The following UIMC1 variants were observed in gnomAD, a reference collection of about 807,000 sequenced individuals.
UIMC1 encodes ubiquitin interaction motif containing 1.
A neutral mutation model predicts 84.9 loss-of-function variants in UIMC1; 42 were observed. The ratio of observed to expected loss-of-function variants is 0.49; its 90% CI spans 0.39 to 0.64. The LOEUF (loss-of-function observed/expected upper bound fraction) is 0.64, where lower values mean the gene tolerates loss of function less well. Among genes scored for constraint, UIMC1 ranks in the 30% least tolerant of loss-of-function variants. UIMC1 has a pLI of 0.00. For synonymous variants in UIMC1, 281 were observed against 293.0 expected, an observed-to-expected ratio of 0.96 and a Z score of 0.42; for missense variants, 825 against 847.6, an observed-to-expected ratio of 0.97 and a Z score of 0.33.
At chr5:177,005,570 G>A (rs1180897008) in intron 1 of UIMC1, among the ~76,000 whole-genome samples, 1 of 151,400 alleles carries the variant, frequency 6.6e-6, no homozygotes, top group African/African-American at 2.4e-5. Context: ...ACAACTCTGC[G>A]TCGTAGGTAT....
At chr5:176,906,126 G>A (rs1759334926) in intron 13 of UIMC1, 79 bp from the exon 14 acceptor site, 2 of 1,381,990 alleles carry the variant, frequency 1.4e-6, no homozygotes, top group South Asian at 1.2e-5. Flanking sequence ...TTTTGCTTCC[G>A]TGCTCTAGGC....
At chr5:176,974,037 C>T (rs1390321933) in intron 3 of UIMC1, among the ~76,000 whole-genome samples, 4 of 151,930 alleles carry the variant, frequency 2.6e-5, no homozygotes, top group East Asian at 3.8e-4. Context: ...CCAGCCTGGG[C>T]GACAGAGTAG....
At chr5:176,937,308 A>T (rs1763827719) in intron 10 of UIMC1, among the ~76,000 whole-genome samples, 1 of 152,158 alleles carries the variant, frequency 6.6e-6, no homozygotes, top group African/African-American at 2.4e-5. Context: ...ATCCTGGCTA[A>T]CATGGTGAAA....
chr5:177,012,691 TA>T (rs1561941814), intron 1 of UIMC1, among the ~76,000 whole-genome samples: 1 of 150,932 alleles, frequency 6.6e-6, no homozygotes, highest in Non-Finnish European at 1.5e-5. Context: ...AGACCCTGTC[TA>T]AAAAAAAGAA....
intron 10 of UIMC1, among the ~76,000 whole-genome samples, chr5:176,939,727 C>A (rs1315498861): frequency 6.6e-6 from 1 of 152,194 alleles, no homozygotes; most frequent in African/African-American, 2.4e-5. Context: ...ATCCCCATCA[C>A]TGAGCAACAC....
intron 10 of UIMC1, among the ~76,000 whole-genome samples, chr5:176,934,100 C>T (rs1763438691): frequency 6.6e-6 from 1 of 152,108 alleles, no homozygotes. Context: ...TATTATATCC[C>T]TTACCATCTT....
At chr5:176,980,305 TGTCC>T (rs1356770983) in intron 2 of UIMC1, 1 of 151,450 alleles carries the variant, frequency 6.6e-6, no homozygotes, top group Non-Finnish European at 1.5e-5. Context: ...TCCGTCCTTC[TGTCC>T]GTCCATCCGT....
intron 10 of UIMC1, among the ~76,000 whole-genome samples, chr5:176,918,509 C>T (rs905212061): frequency 2.6e-5 from 4 of 152,192 alleles, no homozygotes; most frequent in Admixed American, 2.0e-4. Context: ...GAGAAGTAAG[C>T]AAACAATGAA....
At chr5:176,917,948 A>G (rs1021532866) in intron 10 of UIMC1, among the ~76,000 whole-genome samples, 1 of 152,222 alleles carries the variant, frequency 6.6e-6, no homozygotes, top group South Asian at 2.1e-4. Context: ...AACAACAGCA[A>G]AACTCTGTCT....
chr5:176,933,469 T>C (rs1338708377), intron 10 of UIMC1, among the ~76,000 whole-genome samples: 2 of 152,160 alleles, frequency 1.3e-5, no homozygotes, highest in Non-Finnish European at 2.9e-5. Flanking sequence ...AATCTAGTAA[T>C]TACACTTTTA....
At chr5:176,912,305 C>G (rs774158491) in intron 10 of UIMC1, among the ~76,000 whole-genome samples, 2 of 152,176 alleles carry the variant, frequency 1.3e-5, no homozygotes, top group African/African-American at 2.4e-5. Flanking sequence ...TATACATAAA[C>G]AAATGAGTAT....
intron 1 of UIMC1, among the ~76,000 whole-genome samples, chr5:176,984,087 A>G (rs1392660238): frequency 1.1e-5 from 1 of 90,296 alleles, no homozygotes; most frequent in African/African-American, 4.5e-5. Flanking sequence ...CCGTCTGGGA[A>G]GTGAGGAGTG....
At chr5:176,921,874 T>C (rs550450656) in intron 10 of UIMC1, among the ~76,000 whole-genome samples, 2 of 152,296 alleles carry the variant, frequency 1.3e-5, no homozygotes, top group East Asian at 3.9e-4. Flanking sequence ...TTCATCATAT[T>C]TGGAATGAAG....
rs1764705514 is a variant in UIMC1 at position 176,943,482 on chromosome 5, T to C, written c.1450A>G (p.Asn484Asp). 1.9e-6 allele frequency: 3 copies of C among 1,613,804 alleles called. No individual in the cohort carries two copies. Among genetic ancestry groups the C allele is most frequent in the Non-Finnish European group, 2.5e-6 (3 of 1,179,890 alleles). Reference protein sequence around the residue: ...RIIMADKEVGNKEDAEKEVAI... With the variant: ...RIIMADKEVGDKEDAEKEVAI... The stretch of plus-strand genomic sequence containing the variant: ...ACTTCCTTCTCAGCATCTTCCTTGT[T>C]ACCAACCTGAAGAACATGACAAACA... The change falls in exon 10 of 15, where the codon AAC becomes GAC. Residue 484 changes from asparagine (N) to aspartate (D), a missense_variant. Coordinates refer to ENST00000511320, the MANE Select transcript of UIMC1 (RefSeq NM_001199298.2).
chr5:177,009,015 G>GTT (rs543438267), upstream of UIMC1, among the ~76,000 whole-genome samples: 1 of 144,188 alleles, frequency 6.9e-6, no homozygotes. This position sits in a 1 kb window ranked among gnomAD's most constrained non-coding sequence, Gnocchi z 4.3. Flanking sequence ...GTTTTTTGGT[G>GTT]TTTTTTTTTT....
chr5:176,992,540 T>C (rs1346352412), intron 1 of UIMC1, among the ~76,000 whole-genome samples: 1 of 151,940 alleles, frequency 6.6e-6, no homozygotes, highest in East Asian at 1.9e-4. Context: ...TAAATTTGAC[T>C]TTATTGAAAT....
At chr5:176,945,799 G>A (rs530262154) in intron 9 of UIMC1, among the ~76,000 whole-genome samples, 5 of 152,280 alleles carry the variant, frequency 3.3e-5, no homozygotes, top group African/African-American at 1.2e-4. Flanking sequence ...TTCACGTCCT[G>A]TTTCCATGGA....
rs1765875384 is a variant in UIMC1, at chr5:176,951,514, T to A, written c.1403A>T (p.Asp468Val). The A allele has an allele frequency of 6.3e-7, 1 of 1,584,238 alleles. No individual in the cohort carries two copies. The highest frequency in any genetic ancestry group is 1.7e-4 in the Middle Eastern group (1 of 6,010). Residue 468 changes from aspartate to valine, a missense_variant, in exon 9 of 15, where the codon GAT (aspartate) becomes GTT (valine). Asp to Val is a radical substitution (Grantham distance 152). Transcript: ENST00000511320. ...TATTATTCTGACTCCATCCAAGATA[T>A]CTCTGCTACCTGGAGAGACTTCTCT... ...LEREVSPGSRDILDGVRIIMA... is the reference protein window; with the variant it reads ...LEREVSPGSRVILDGVRIIMA...
At chr5:176,991,864 A>G (rs1411772278) in intron 1 of UIMC1, among the ~76,000 whole-genome samples, 9 of 152,130 alleles carry the variant, frequency 5.9e-5, no homozygotes, top group Admixed American at 5.9e-4. Flanking sequence ...CCTGGGAGGC[A>G]GAGCTTGCAG....
Sources: allele counts gnomAD v4.1 joint callset (sites outside exome capture counted in the v4.1 genomes callset), GRCh38; gene constraint gnomAD v4.1.1; non-coding constraint Gnocchi (gnomAD v3.1); transcripts MANE v1.5; gene names NCBI Gene and HGNC (gene_info 2026-07-23, HGNC 2026-07-21).